MDGA2: variants seen among roughly 807,000 people sequenced by gnomAD.
MDGA2 encodes the protein MAM domain-containing glycosylphosphatidylinositol anchor protein 2.
Under a neutral mutation model 117.8 loss-of-function variants are expected in MDGA2, and 40 were observed. The ratio of observed to expected loss-of-function variants is 0.34; its 90% CI spans 0.26 to 0.44. The LOEUF (loss-of-function observed/expected upper bound fraction) is 0.44. MDGA2 is among the 20% of genes least tolerant of loss of function. The pLI is 1.00. For missense variants in MDGA2, 1,123 were observed against 1,250.6 expected, an observed-to-expected ratio of 0.90 and a Z score of 1.54; for synonymous variants, 452 against 439.0, an observed-to-expected ratio of 1.03 and a Z score of -0.37.
intron 8 of MDGA2, among the ~76,000 whole-genome samples, chr14:47,015,293 A>G (rs1044543376): frequency 2.0e-4 from 30 of 150,532 alleles, no homozygotes; most frequent in African/African-American, 6.6e-4. Context: ...AAAATGTGAC[A>G]TGGAGACATA....
chr14:47,620,165 A>C (rs761702609), intron 1 of MDGA2, among the ~76,000 whole-genome samples: 2 of 152,266 alleles, frequency 1.3e-5, no homozygotes, highest in Non-Finnish European at 2.9e-5. Flanking sequence ...GCTACATTTT[A>C]GAAATAAAGG....
intron 3 of MDGA2, among the ~76,000 whole-genome samples, chr14:47,145,986 T>A (rs1379186100): frequency 6.6e-6 from 1 of 152,120 alleles, no homozygotes; most frequent in African/African-American, 2.4e-5. Flanking sequence ...TGCTTCTACA[T>A]GACAAAAACT....
intron 9 of MDGA2, among the ~76,000 whole-genome samples, chr14:46,937,736 C>T (rs59679992): frequency 0.035 from 5,291 of 152,182 alleles, 316 homozygotes; most frequent in African/African-American, 0.12. Context: ...GCTAGGAAAA[C>T]TAGATATCCA....
intron 1 of MDGA2, among the ~76,000 whole-genome samples, chr14:47,492,132 G>A (rs1245922538): frequency 2.0e-5 from 3 of 152,080 alleles, no homozygotes; most frequent in African/African-American, 4.8e-5. Flanking sequence ...CTCATTCCAA[G>A]AACCCTCAAA....
At chr14:47,162,955 T>C (rs1883704880) in intron 3 of MDGA2, among the ~76,000 whole-genome samples, 1 of 152,262 alleles carries the variant, frequency 6.6e-6, no homozygotes, top group Non-Finnish European at 1.5e-5. Flanking sequence ...TAAATCTCTT[T>C]AAATATTAGC....
At chr14:47,500,076 T>C (rs889687035) in intron 1 of MDGA2, among the ~76,000 whole-genome samples, 1 of 152,142 alleles carries the variant, frequency 6.6e-6, no homozygotes, top group Non-Finnish European at 1.5e-5. Context: ...CACAAAACAG[T>C]ATGATAAAGT....
chr14:46,842,303 C>A (rs2138260352), intron 16 of MDGA2, among the ~76,000 whole-genome samples: 1 of 152,100 alleles, frequency 6.6e-6, no homozygotes, highest in East Asian at 1.9e-4. Flanking sequence ...TGTGGTTGAG[C>A]TCAATCTTAA....
chr14:47,078,697 TGAC>T (rs1890588843), intron 6 of MDGA2, among the ~76,000 whole-genome samples: 1 of 152,004 alleles, frequency 6.6e-6, no homozygotes, highest in Non-Finnish European at 1.5e-5. Context: ...AAGAAAATGT[TGAC>T]TACTAAGCAC....
intron 1 of MDGA2, among the ~76,000 whole-genome samples, chr14:47,517,853 A>C (rs1167535423): frequency 6.6e-6 from 1 of 152,194 alleles, no homozygotes; most frequent in African/African-American, 2.4e-5. Flanking sequence ...GAAAGCTGAA[A>C]ATTTTAATAT....
At chr14:46,980,164 A>C (rs1426592666) in intron 8 of MDGA2, among the ~76,000 whole-genome samples, 2 of 152,178 alleles carry the variant, frequency 1.3e-5, no homozygotes, top group African/African-American at 4.8e-5. Context: ...ATTTGTGATT[A>C]ATAGGAGGAG....
chr14:47,107,364 G>A (rs762883316), intron 5 of MDGA2, among the ~76,000 whole-genome samples: 8 of 151,934 alleles, frequency 5.3e-5, no homozygotes, highest in Admixed American at 5.2e-4. Flanking sequence ...TAAACCCCGT[G>A]GTGCCAAACC....
intron 1 of MDGA2, among the ~76,000 whole-genome samples, chr14:47,673,259 C>A (rs1204148191): frequency 6.6e-6 from 1 of 152,188 alleles, no homozygotes; most frequent in Non-Finnish European, 1.5e-5. Flanking sequence ...AGTTTGAGGA[C>A]TCAGGATTCA....
At chr14:47,080,334 A>C (rs1056107143) in intron 6 of MDGA2, among the ~76,000 whole-genome samples, 1 of 152,164 alleles carries the variant, frequency 6.6e-6, no homozygotes, top group African/African-American at 2.4e-5. Flanking sequence ...GATCAAGCTA[A>C]TTTTCTTCCA....
chr14:47,083,506 A>G (rs10135488), intron 6 of MDGA2, among the ~76,000 whole-genome samples: 128,183 of 151,948 alleles, frequency 0.84, 54,509 homozygotes, highest in East Asian at 0.97. Context: ...GTAACCCACA[A>G]GAAGTCAAGA....
intron 3 of MDGA2, among the ~76,000 whole-genome samples, chr14:47,216,129 A>T (rs1237348836): frequency 6.6e-6 from 1 of 152,096 alleles, no homozygotes; most frequent in Non-Finnish European, 1.5e-5. Flanking sequence ...TAGAAAGGAG[A>T]AGGGATACTG....
At chr14:47,442,641 G>A (rs1335215862) in intron 1 of MDGA2, among the ~76,000 whole-genome samples, 1 of 152,106 alleles carries the variant, frequency 6.6e-6, no homozygotes, top group Non-Finnish European at 1.5e-5. Context: ...TAAATAGTGA[G>A]GCACAGCAAA....
chr14:47,468,350 G>A (rs955318079), intron 1 of MDGA2, among the ~76,000 whole-genome samples: 2 of 152,072 alleles, frequency 1.3e-5, no homozygotes, highest in East Asian at 1.9e-4. Flanking sequence ...CAAAGTAGAC[G>A]GACACATGTT....
At chr14:47,348,163 GTA>G (rs1247614213) in intron 1 of MDGA2, among the ~76,000 whole-genome samples, 94 of 43,410 alleles carry the variant, frequency 2.2e-3, no homozygotes, top group Admixed American at 6.1e-3. Context: ...CTCTCTCTCT[GTA>G]TATGTGTGTG....
At chr14:47,250,917 A>T (rs1887424319) in intron 2 of MDGA2, among the ~76,000 whole-genome samples, 1 of 152,168 alleles carries the variant, frequency 6.6e-6, no homozygotes, top group Non-Finnish European at 1.5e-5. Flanking sequence ...ATCTCCATGG[A>T]TACCACTACC....
Sources: allele counts gnomAD v4.1 joint callset (sites outside exome capture counted in the v4.1 genomes callset), GRCh38; gene constraint gnomAD v4.1.1; transcripts MANE v1.5; gene names NCBI Gene and HGNC (gene_info 2026-07-23, HGNC 2026-07-21).